PIP4K2A: variants seen among roughly 807,000 people sequenced by gnomAD.
The protein encoded by PIP4K2A is phosphatidylinositol 5-phosphate 4-kinase type-2 alpha.
In PIP4K2A, 14 loss-of-function variants were observed where a neutral mutation model predicts 42.9. The observed-to-expected ratio is 0.33, with a 90% CI of 0.22 to 0.51. PIP4K2A has a LOEUF of 0.51. PIP4K2A is among the 20% of genes least tolerant of loss of function. The probability of loss-of-function intolerance (pLI) is 0.97; values close to 1 mark genes in which losing one functional copy is unlikely to be tolerated. For missense variants in PIP4K2A, 434 were observed against 519.8 expected (o/e 0.83, Z 1.61); for synonymous variants, 192 against 192.2 (o/e 1.00, Z 0.01).
chr10:22,582,948 A>G (rs1402978813), intron 4 of PIP4K2A, among the ~76,000 whole-genome samples: 1 of 151,682 alleles, frequency 6.6e-6, no homozygotes, highest in Admixed American at 6.6e-5. Context: ...TATAACAAAT[A>G]TAACAAAACA....
chr10:22,585,143 T>C (rs985325770), intron 4 of PIP4K2A, among the ~76,000 whole-genome samples: 4 of 152,228 alleles, frequency 2.6e-5, no homozygotes, highest in Admixed American at 6.5e-5. Context: ...TTAGCTTTTA[T>C]GGTCCCTATT....
chr10:22,696,454 A>C (rs1310525284), intron 1 of PIP4K2A, among the ~76,000 whole-genome samples: 4 of 152,212 alleles, frequency 2.6e-5, no homozygotes, highest in African/African-American at 4.8e-5. Context: ...AAGGTTCAGA[A>C]ATGGGAATAA....
intron 1 of PIP4K2A, among the ~76,000 whole-genome samples, chr10:22,710,393 A>G (rs914978558): frequency 5.3e-5 from 8 of 152,262 alleles, no homozygotes; most frequent in Non-Finnish European, 1.5e-5. Flanking sequence ...ATAACTGCTT[A>G]GTCCAAGGGA....
At position 22,600,020 on chromosome 10, in the gene PIP4K2A, G is replaced by A. The variant is rs1837718864; in HGVS notation, c.339+7907C>T. ...AGGTCCAGGATTAGTGGAGCCCCCA[G>A]AAGGGGGAAGGAAACATAAATGTCA... On this transcript the variant is annotated intron_variant, in intron 3 of 9. Transcript: ENST00000376573. 2.0e-5 allele frequency among the ~76,000 whole-genome samples: 3 copies of A among 152,200 alleles called. No homozygotes were observed. In the South Asian group the frequency reaches 6.2e-4, roughly 31 times the overall value.
At chr10:22,664,066 T>C (rs1175178249) in intron 1 of PIP4K2A, among the ~76,000 whole-genome samples, 5 of 85,614 alleles carry the variant, frequency 5.8e-5, no homozygotes, top group African/African-American at 3.0e-4. Flanking sequence ...TATATACATA[T>C]ATATATATAC....
At chr10:22,625,391 T>C (rs1838417085) in intron 1 of PIP4K2A, among the ~76,000 whole-genome samples, 1 of 152,224 alleles carries the variant, frequency 6.6e-6, no homozygotes, top group South Asian at 2.1e-4. Flanking sequence ...GTCTTAAATA[T>C]GCATTAAAAT....
intron 6 of PIP4K2A, among the ~76,000 whole-genome samples, chr10:22,564,495 A>T (rs1422024978): frequency 6.6e-6 from 1 of 152,240 alleles, no homozygotes; most frequent in Non-Finnish European, 1.5e-5. Flanking sequence ...GCTGAAGAGC[A>T]TGTGTGACTC....
intron 1 of PIP4K2A, among the ~76,000 whole-genome samples, chr10:22,611,690 G>A (rs570634893): frequency 6.6e-6 from 1 of 152,314 alleles, no homozygotes; most frequent in East Asian, 1.9e-4. Flanking sequence ...GTCATTCCCA[G>A]AGTATATCTA....
chr10:22,591,065 T>C (rs2130821042), intron 4 of PIP4K2A, among the ~76,000 whole-genome samples: 1 of 152,306 alleles, frequency 6.6e-6, no homozygotes, highest in Middle Eastern at 3.4e-3. Context: ...AGAGACAGAT[T>C]GCTGCTCCCA....
chr10:22,573,851 G>C (rs1315439022), intron 4 of PIP4K2A, among the ~76,000 whole-genome samples: 2 of 152,334 alleles, frequency 1.3e-5, no homozygotes, highest in African/African-American at 4.8e-5. Context: ...AGAGCAACCT[G>C]GCTGCTAAAA....
At chr10:22,664,375 A>G (rs189407718) in intron 1 of PIP4K2A, among the ~76,000 whole-genome samples, 207 of 150,490 alleles carry the variant, frequency 1.4e-3, no homozygotes, top group Middle Eastern at 3.4e-3. Context: ...GTGACTGAAC[A>G]TATTTATGTT....
chr10:22,581,565 TAA>T (rs531477426), intron 4 of PIP4K2A, among the ~76,000 whole-genome samples: 44,208 of 77,640 alleles, frequency 0.57, 11,549 homozygotes, highest in East Asian at 0.86. Context: ...ATCCTATCTC[TAA>T]AAAAAAAAAA....
At chr10:22,544,566 C>G (rs1804252701) in intron 7 of PIP4K2A, among the ~76,000 whole-genome samples, 1 of 152,204 alleles carries the variant, frequency 6.6e-6, no homozygotes, top group Admixed American at 6.5e-5. Context: ...AAAGGCCCCC[C>G]TTCTGCCCAC....
At chr10:22,684,382 A>C (rs1165156641) in intron 1 of PIP4K2A, among the ~76,000 whole-genome samples, 1 of 152,228 alleles carries the variant, frequency 6.6e-6, no homozygotes, top group Non-Finnish European at 1.5e-5. Flanking sequence ...CTTTTGCCAA[A>C]GAAAGTTGTT....
chr10:22,631,394 GC>G (rs1327240935), intron 1 of PIP4K2A, among the ~76,000 whole-genome samples: 2 of 152,058 alleles, frequency 1.3e-5, no homozygotes, highest in African/African-American at 4.8e-5. Context: ...AGAGCTCAAT[GC>G]CCCCATCCCC....
chr10:22,602,474 A>G (rs1360978673), intron 3 of PIP4K2A, among the ~76,000 whole-genome samples: 1 of 152,104 alleles, frequency 6.6e-6, no homozygotes, highest in Admixed American at 6.5e-5. Context: ...ATGTCATGAC[A>G]TTGCCATTCC....
intron 1 of PIP4K2A, among the ~76,000 whole-genome samples, chr10:22,615,629 A>G (rs950410409): frequency 1.3e-5 from 2 of 152,220 alleles, no homozygotes; most frequent in African/African-American, 2.4e-5. Flanking sequence ...GAGTTTATTA[A>G]AATTTTCTTA....
chr10:22,655,287 C>A (rs753457032), intron 1 of PIP4K2A, among the ~76,000 whole-genome samples: 2 of 152,118 alleles, frequency 1.3e-5, no homozygotes, highest in Non-Finnish European at 2.9e-5. Flanking sequence ...AGCTCTTAAC[C>A]CAGTGTAACA....
At chr10:22,571,941 G>A (rs1409219266) in intron 5 of PIP4K2A, among the ~76,000 whole-genome samples, 3 of 152,052 alleles carry the variant, frequency 2.0e-5, no homozygotes, top group Non-Finnish European at 4.4e-5. Context: ...TCATGTTTTT[G>A]CTTTTGGAAA....
Sources: allele counts gnomAD v4.1 joint callset (sites outside exome capture counted in the v4.1 genomes callset), GRCh38; gene constraint gnomAD v4.1.1; transcripts MANE v1.5; gene names NCBI Gene and HGNC (gene_info 2026-07-23, HGNC 2026-07-21).